The following PRIM2 variants were observed in gnomAD, a reference collection of about 807,000 sequenced individuals.
PRIM2 encodes the protein DNA primase large subunit.
A neutral mutation model predicts 67.3 loss-of-function variants in PRIM2; 39 were observed. The ratio of observed to expected loss-of-function variants is 0.58; its 90% CI spans 0.45 to 0.76. PRIM2 has a LOEUF of 0.76. Among genes scored for constraint, PRIM2 ranks in the 30% least tolerant of loss-of-function variants. PRIM2 has a pLI of 0.00. For missense variants in PRIM2, 398 were observed against 598.7 expected, an observed-to-expected ratio of 0.66 and a Z score of 3.50; for synonymous variants, 143 against 198.7, an observed-to-expected ratio of 0.72 and a Z score of 2.36.
chr6:57,479,161 G>A (rs1419016361), intron 7 of PRIM2, among the ~76,000 whole-genome samples: 2 of 152,148 alleles, frequency 1.3e-5, no homozygotes, highest in African/African-American at 4.8e-5. Context: ...AAGAAAAAAG[G>A]ATTTATTACA....
the PRIM2 span, among the ~76,000 whole-genome samples, chr6:57,275,332 A>C: frequency 6.6e-6 from 1 of 152,090 alleles, no homozygotes; most frequent in South Asian, 2.1e-4. Context: ...CTAAAAATAC[A>C]AAACAAATTA....
chr6:57,528,152 C>T (rs1394666766), intron 8 of PRIM2, among the ~76,000 whole-genome samples: 4 of 149,634 alleles, frequency 2.7e-5, no homozygotes, highest in Non-Finnish European at 4.4e-5. Context: ...TTTTTTATAG[C>T]GATGATGTCT....
intron 7 of PRIM2, among the ~76,000 whole-genome samples, chr6:57,454,535 G>C (rs1581921046): frequency 6.6e-6 from 1 of 152,124 alleles, no homozygotes; most frequent in Non-Finnish European, 1.5e-5. Flanking sequence ...ATGTGTCCAG[G>C]AATTTATCCA....
intron 7 of PRIM2, among the ~76,000 whole-genome samples, chr6:57,390,816 T>G (rs1581856095): frequency 6.6e-6 from 1 of 152,212 alleles, no homozygotes; most frequent in Non-Finnish European, 1.5e-5. Context: ...TTCCATGTCT[T>G]TGCTATTGTA....
the PRIM2 span, among the ~76,000 whole-genome samples, chr6:57,283,839 C>A: frequency 6.6e-6 from 1 of 151,992 alleles, no homozygotes; most frequent in Non-Finnish European, 1.5e-5. Context: ...GTAATATATT[C>A]TTTCTGACTC....
chr6:57,321,702 A>G (rs1365463315), intron 3 of PRIM2, among the ~76,000 whole-genome samples: 1 of 152,200 alleles, frequency 6.6e-6, no homozygotes, highest in Non-Finnish European at 1.5e-5. Flanking sequence ...TATTTATATT[A>G]ATAGTATGTT....
the PRIM2 span, among the ~76,000 whole-genome samples, chr6:57,298,774 A>G: frequency 6.6e-6 from 1 of 152,208 alleles, no homozygotes; most frequent in Non-Finnish European, 1.5e-5. Flanking sequence ...AAAATAACAT[A>G]AAGAAAATGC....
chr6:57,250,528 T>C, the PRIM2 span, among the ~76,000 whole-genome samples: 2 of 152,146 alleles, frequency 1.3e-5, no homozygotes, highest in African/African-American at 2.4e-5. Flanking sequence ...ATGAAAAACA[T>C]GATGACGTAA....
intron 8 of PRIM2, among the ~76,000 whole-genome samples, chr6:57,513,677 T>G (rs1774417237): frequency 6.6e-6 from 1 of 152,182 alleles, no homozygotes; most frequent in Non-Finnish European, 1.5e-5. Flanking sequence ...GCAGATCACT[T>G]GAGGCCAGGA....
At chr6:57,472,388 T>C (rs1773357955) in intron 7 of PRIM2, among the ~76,000 whole-genome samples, 1 of 134,110 alleles carries the variant, frequency 7.5e-6, no homozygotes, top group Non-Finnish European at 1.6e-5. Context: ...TGAGATTGCG[T>C]GTGTCAAAAA....
chr6:57,249,602 C>T, the PRIM2 span, among the ~76,000 whole-genome samples: 12 of 152,070 alleles, frequency 7.9e-5, no homozygotes, highest in South Asian at 1.0e-3. Context: ...ATTAGCCTGG[C>T]GTGGTGGTGC....
intron 7 of PRIM2, among the ~76,000 whole-genome samples, chr6:57,390,380 C>T (rs1405974586): frequency 6.6e-6 from 1 of 152,068 alleles, no homozygotes; most frequent in African/African-American, 2.4e-5. Context: ...GTCTATTCAA[C>T]ACATATTTCT....
chr6:57,374,975 A>C (rs112321083), intron 5 of PRIM2, among the ~76,000 whole-genome samples: 1 of 152,184 alleles, frequency 6.6e-6, no homozygotes, highest in African/African-American at 2.4e-5. Flanking sequence ...GGCTGAGACA[A>C]TGGGGTTTTC....
chr6:57,416,685 A>G (rs1771274498), intron 7 of PRIM2, among the ~76,000 whole-genome samples: 1 of 152,154 alleles, frequency 6.6e-6, no homozygotes, highest in African/African-American at 2.4e-5. Flanking sequence ...TCTTAGCTAG[A>G]TATTCTGGAT....
chr6:57,355,793 C>A (rs777447875), intron 5 of PRIM2, among the ~76,000 whole-genome samples: 2 of 152,036 alleles, frequency 1.3e-5, no homozygotes, highest in African/African-American at 4.8e-5. Context: ...TGTGTCACCA[C>A]GTGTGGCTAA....
At chr6:57,512,791 T>G (rs1254168540) in intron 8 of PRIM2, among the ~76,000 whole-genome samples, 8 of 151,996 alleles carry the variant, frequency 5.3e-5, no homozygotes, top group African/African-American at 1.9e-4. Flanking sequence ...GGGATGGGGT[T>G]TCATCATGTT....
At chr6:57,522,482 C>A (rs1350181402) in intron 8 of PRIM2, among the ~76,000 whole-genome samples, 1 of 152,096 alleles carries the variant, frequency 6.6e-6, no homozygotes, top group South Asian at 2.1e-4. Context: ...ATTTTGATAA[C>A]ATACCTTATT....
chr6:57,363,360 A>G (rs1368196994), intron 5 of PRIM2, among the ~76,000 whole-genome samples: 1 of 152,246 alleles, frequency 6.6e-6, no homozygotes, highest in Admixed American at 6.5e-5. Context: ...GAGACATACA[A>G]GAAAACATTA....
chr6:57,404,989 T>C (rs1167364441), intron 7 of PRIM2, among the ~76,000 whole-genome samples: 1 of 149,734 alleles, frequency 6.7e-6, no homozygotes, highest in Non-Finnish European at 1.5e-5. Flanking sequence ...AGAAAATACT[T>C]AATATTTTTA....
Sources: allele counts gnomAD v4.1 joint callset (sites outside exome capture counted in the v4.1 genomes callset), GRCh38; gene constraint gnomAD v4.1.1; transcripts MANE v1.5; gene names NCBI Gene and HGNC (gene_info 2026-07-23, HGNC 2026-07-21).